Variants in SLCO3A1 observed in about 807,000 individuals in gnomAD.
The protein encoded by SLCO3A1 is PGE1 transporter.
In SLCO3A1, 27 loss-of-function variants were observed where a neutral mutation model predicts 63.1. The observed-to-expected ratio is 0.43, with a 90% CI of 0.32 to 0.59. The LOEUF (loss-of-function observed/expected upper bound fraction) is 0.59, where lower values mean the gene tolerates loss of function less well. SLCO3A1 is among the 20% of genes least tolerant of loss of function. The probability of loss-of-function intolerance (pLI) is 0.09; values close to 1 mark genes in which losing one functional copy is unlikely to be tolerated. For missense variants in SLCO3A1, 773 were observed against 945.8 expected (o/e 0.82, Z 2.40); for synonymous variants, 473 against 409.9 (o/e 1.15, Z -1.86).
At chr15:91,963,419 G>GGGGGGGGGGGGGGGGGGGGGC (rs10686584) in intron 2 of SLCO3A1, among the ~76,000 whole-genome samples, 1 of 115,544 alleles carries the variant, frequency 8.7e-6, no homozygotes, top group African/African-American at 3.4e-5. Context: ...GGGGGGGGGG[G>GGGGGGGGGGGGGGGGGGGGGC]GCGGCAGCAG....
At position 92,069,130 on chromosome 15, in the gene SLCO3A1, G is replaced by A. The variant is rs557473528; in HGVS notation, c.647-25751G>A. The stretch of plus-strand genomic sequence containing the variant: ...CCGCCACCCCCCACTCCCCCCAGGG[G>A]ACATTTGCCAATAGCTGGAGATAAT... On this transcript the variant is annotated intron_variant, in intron 2 of 9. Coordinates refer to ENST00000318445, the MANE Select transcript of SLCO3A1 (RefSeq NM_013272.4). 3.6e-5 allele frequency among the ~76,000 whole-genome samples: 4 copies of A among 112,010 alleles called. No homozygotes were observed. The East Asian group carries it at 1.0e-3, about 28-fold the overall frequency. 73.5% of individuals were successfully genotyped at this position (112,010 alleles called of 152,430 possible). A position where few individuals can be genotyped will look rare whatever the true frequency, so the allele number is the denominator to read the frequency against.
chr15:92,078,799 G>A (rs987950867), intron 2 of SLCO3A1, among the ~76,000 whole-genome samples: 2 of 152,162 alleles, frequency 1.3e-5, no homozygotes, highest in Admixed American at 6.5e-5. Context: ...ATTAAATGAG[G>A]TAGTACATGG....
intron 2 of SLCO3A1, among the ~76,000 whole-genome samples, chr15:91,947,376 C>T (rs542114756): frequency 2.0e-5 from 3 of 152,318 alleles, no homozygotes; most frequent in South Asian, 2.1e-4. Context: ...AACAAGCTCC[C>T]GTGCTCTTGG....
chr15:92,013,743 G>T (rs1401084971), intron 2 of SLCO3A1, among the ~76,000 whole-genome samples: 1 of 152,166 alleles, frequency 6.6e-6, no homozygotes, highest in Non-Finnish European at 1.5e-5. Flanking sequence ...GGTCCTGCTG[G>T]CAGGGGATGT....
At position 92,163,070 on chromosome 15, in the gene SLCO3A1, A is replaced by G. The variant is rs780240259; in HGVS notation, c.2068A>G (p.Arg690Gly). 1 of 1,557,154 alleles carries G rather than the reference A, an allele frequency of 6.4e-7. No individual in the cohort carries two copies. Among genetic ancestry groups the G allele is most frequent in the East Asian group, 2.2e-5 (1 of 44,510 alleles). ...RDPVPANQTH[R>G]TKFIYNLEDH... is the part of the protein sequence containing the mutation. ...CCCTGTGCCCGCAAACCAGACACAT[A>G]GGACAAAGTTTATCTATAACCTGGA... The change falls in exon 10 of 10, where the codon AGG (arginine) becomes GGG (glycine). Residue 690 changes from arginine to glycine, a missense_variant. Coordinates refer to ENST00000318445, the MANE Select transcript of SLCO3A1 (RefSeq NM_013272.4).
intron 2 of SLCO3A1, among the ~76,000 whole-genome samples, chr15:92,063,106 T>C (rs2047106791): frequency 6.6e-6 from 1 of 152,248 alleles, no homozygotes; most frequent in Non-Finnish European, 1.5e-5. Context: ...TTATAAATAC[T>C]AAGCTCCAGG....
At chr15:91,879,790 A>G (rs1290176789) in intron 1 of SLCO3A1, among the ~76,000 whole-genome samples, 1 of 152,178 alleles carries the variant, frequency 6.6e-6, no homozygotes, top group East Asian at 1.9e-4. Flanking sequence ...GGCTTTCTGA[A>G]TGAAATTTGT....
chr15:91,964,422 T>C (rs1029078930), intron 2 of SLCO3A1, among the ~76,000 whole-genome samples: 11 of 152,168 alleles, frequency 7.2e-5, no homozygotes, highest in African/African-American at 2.7e-4. Context: ...AACCCTCACA[T>C]GCATCATTGC....
At chr15:91,915,952 C>A (rs750214114) in intron 1 of SLCO3A1, 41 bp from the exon 2 acceptor site, 1 of 1,537,040 alleles carries the variant, frequency 6.5e-7, no homozygotes, top group Admixed American at 1.8e-5. Context: ...TCCTGGGCAT[C>A]TTCTTGGATT....
intron 7 of SLCO3A1, among the ~76,000 whole-genome samples, chr15:92,143,654 T>A (rs7181740): frequency 1.6e-4 from 22 of 141,262 alleles, no homozygotes; most frequent in Non-Finnish European, 2.4e-4. Context: ...CTCCTGGTTT[T>A]TGTTAAGTTG....
In SLCO3A1 at chr15:91,897,377, G is replaced by T. The variant is rs1418996988; in HGVS notation, c.181-18616G>T. Reference sequence around the variant, plus strand: ...GAGGCACGAGAATTGCTTGAACCCAGGAGGCAGAGGTTGCAGTGAGCCAAG... The same window carrying T: ...GAGGCACGAGAATTGCTTGAACCCATGAGGCAGAGGTTGCAGTGAGCCAAG... On this transcript the variant is annotated intron_variant, in intron 1 of 9. Coordinates refer to ENST00000318445, the MANE Select transcript of SLCO3A1 (RefSeq NM_013272.4). The surrounding 1 kb of genome is among the most constrained non-coding windows in gnomAD (Gnocchi z 4.7). Among the ~76,000 whole-genome samples, 1 of 152,116 alleles carries T rather than the reference G, an allele frequency of 6.6e-6. No homozygotes were observed.
At chr15:92,054,052 T>C (rs1361610911) in intron 2 of SLCO3A1, among the ~76,000 whole-genome samples, 1 of 152,240 alleles carries the variant, frequency 6.6e-6, no homozygotes, top group Non-Finnish European at 1.5e-5. Context: ...ATTGATTCTG[T>C]CAGTATAGAC....
intron 7 of SLCO3A1, among the ~76,000 whole-genome samples, chr15:92,130,570 G>C (rs1303524172): frequency 6.6e-6 from 1 of 152,146 alleles, no homozygotes; most frequent in African/African-American, 2.4e-5. Flanking sequence ...ATCCTGGAAA[G>C]GGACCCTTGT....
Position 92,033,121 on chromosome 15 carries a change from A to G in SLCO3A1, c.647-61760A>G, listed in dbSNP as rs1435598204. 6.6e-6 allele frequency among the ~76,000 whole-genome samples: 1 copy of G among 152,162 alleles called. No homozygotes were observed. Among genetic ancestry groups the G allele is most frequent in the African/African-American group, 2.4e-5 (1 of 41,428 alleles). ...TTTATATAGAATTTTAGAATTTACC[A>G]AAGAATCTCACGTGTAAAAAAAACA... On this transcript the variant is annotated intron_variant, in intron 2 of 9. Coordinates refer to ENST00000318445, the MANE Select transcript of SLCO3A1 (RefSeq NM_013272.4). This position sits in a 1 kb window ranked among gnomAD's most constrained non-coding sequence, Gnocchi z 4.5.
chr15:92,107,285 G>C (rs911180601), intron 4 of SLCO3A1, among the ~76,000 whole-genome samples: 2 of 152,214 alleles, frequency 1.3e-5, no homozygotes, highest in African/African-American at 4.8e-5. Context: ...GTTTCTGCAA[G>C]ATTCCTTAAG....
chr15:92,142,939 G>T (rs913349628), intron 7 of SLCO3A1, among the ~76,000 whole-genome samples: 1 of 152,048 alleles, frequency 6.6e-6, no homozygotes, highest in Non-Finnish European at 1.5e-5. Context: ...GGCAGCAATT[G>T]CAGATGACTT....
chr15:92,016,802 G>A lies in SLCO3A1; in HGVS notation c.647-78079G>A, dbSNP rs188298616. ...AAAGGAGGAGGAGGAGGGAAAGATTGGGGGAGGATGGAAGATGAACTTCGG... is the reference window on the plus strand; with the variant it reads ...AAAGGAGGAGGAGGAGGGAAAGATTAGGGGAGGATGGAAGATGAACTTCGG... On this transcript the variant is annotated intron_variant, in intron 2 of 9. Transcript: ENST00000318445. Among the ~76,000 whole-genome samples, 487 of 152,278 alleles carry A rather than the reference G, an allele frequency of 3.2e-3. 2 individuals carry two copies. The highest frequency in any genetic ancestry group is 7.1e-3 in the South Asian group (34 of 4,822).
In SLCO3A1 at chr15:92,165,157, A is replaced by G; in HGVS notation, c.*2022A>G. On this transcript the variant is annotated 3_prime_UTR_variant, in exon 10 of 10. Transcript: ENST00000318445. Reference sequence around the variant, plus strand: ...GGCACTCAGCAAGACCAACCAAAAGAAAAGCTGTGTCGTGGTATGGGGCCA... The same window carrying G: ...GGCACTCAGCAAGACCAACCAAAAGGAAAGCTGTGTCGTGGTATGGGGCCA... The G allele has an allele frequency of 3.0e-6, 3 of 985,442 alleles. No homozygotes were observed. Among genetic ancestry groups the G allele is most frequent in the Non-Finnish European group, 3.6e-6 (3 of 829,940 alleles). The allele number at this position is 985,442 out of a possible 1,614,324, so 61.0% of individuals were successfully genotyped here. A position where few individuals can be genotyped will look rare whatever the true frequency, so the allele number is the denominator to read the frequency against.
chr15:91,981,879 A>T (rs2045992074), intron 2 of SLCO3A1, among the ~76,000 whole-genome samples: 1 of 152,146 alleles, frequency 6.6e-6, no homozygotes, highest in African/African-American at 2.4e-5. Context: ...GGCATGTACA[A>T]CCCGTTGCCC....
Sources: allele counts gnomAD v4.1 joint callset (sites outside exome capture counted in the v4.1 genomes callset), GRCh38; gene constraint gnomAD v4.1.1; non-coding constraint Gnocchi (gnomAD v3.1); transcripts MANE v1.5; gene names NCBI Gene and HGNC (gene_info 2026-07-23, HGNC 2026-07-21).